The following RIGI variants were observed in gnomAD, a reference collection of about 807,000 sequenced individuals.
RIGI encodes the protein antiviral innate immune response receptor RIG-I.
chr9:32,493,732 C>A, the RIGI span: 2 of 1,400,674 alleles, frequency 1.4e-6, no homozygotes, highest in South Asian at 1.3e-5. Context: ...AATTATTTCC[C>A]CCAATTTTAG....
At chr9:32,505,240 T>A in the RIGI span, among the ~76,000 whole-genome samples, 1 of 151,684 alleles carries the variant, frequency 6.6e-6, no homozygotes, top group Admixed American at 6.6e-5. Context: ...TGGACAGAGA[T>A]GCACATTATA....
the RIGI span, chr9:32,488,807 C>T: frequency 6.2e-7 from 1 of 1,613,140 alleles, no homozygotes; most frequent in Admixed American, 1.7e-5. Flanking sequence ...GCAAAAAAGA[C>T]AACTTTCCCC....
the RIGI span, chr9:32,477,102 T>C: frequency 2.1e-5 from 34 of 1,614,004 alleles, no homozygotes; most frequent in Non-Finnish European, 2.7e-5. Context: ...CTGGGATCCC[T>C]GGAAACACTT....
At chr9:32,468,712 G>A in the RIGI span, among the ~76,000 whole-genome samples, 2 of 151,694 alleles carry the variant, frequency 1.3e-5, no homozygotes, top group Non-Finnish European at 2.9e-5. Context: ...CCAGAAGTGA[G>A]GTAAACTGAC....
the RIGI span, chr9:32,492,552 C>T: frequency 6.2e-7 from 1 of 1,613,854 alleles, no homozygotes; most frequent in African/African-American, 1.3e-5. Context: ...AGCAAGGTAA[C>T]TGTAGTTTAT....
chr9:32,508,239 A>ATTTTTTTTTTTTTTTTTTTTTTTTTTT, the RIGI span, among the ~76,000 whole-genome samples: 193 of 70,320 alleles, frequency 2.7e-3, 52 homozygotes, highest in Middle Eastern at 0.014. Context: ...TATTTACTTA[A>ATTTTTTTTTTTTTTTTTTTTTTTTTTT]TTTTTTTTTT....
chr9:32,504,688 C>CATAT, the RIGI span, among the ~76,000 whole-genome samples: 30 of 125,910 alleles, frequency 2.4e-4, 1 homozygote, highest in South Asian at 7.4e-4. Flanking sequence ...GTCTCAAAAA[C>CATAT]ATATATATAT....
the RIGI span, among the ~76,000 whole-genome samples, chr9:32,523,758 G>A: frequency 6.6e-6 from 1 of 152,012 alleles, no homozygotes; most frequent in East Asian, 1.9e-4. Context: ...TCCTCAAACT[G>A]AAGTCAAAGT....
chr9:32,513,976 G>A, the RIGI span, among the ~76,000 whole-genome samples: 145 of 152,328 alleles, frequency 9.5e-4, no homozygotes, highest in African/African-American at 3.1e-3. Flanking sequence ...ATGAAAAAAT[G>A]CTCATCATCA....
At chr9:32,513,234 T>C in the RIGI span, among the ~76,000 whole-genome samples, 1 of 152,058 alleles carries the variant, frequency 6.6e-6, no homozygotes, top group South Asian at 2.1e-4. Flanking sequence ...AAAGTTCATA[T>C]GGAACCAAAA....
chr9:32,491,368 G>T, the RIGI span: 1 of 1,612,886 alleles, frequency 6.2e-7, no homozygotes, highest in Non-Finnish European at 8.5e-7. Flanking sequence ...AAATCTGTAT[G>T]TCAGAAGTTT....
At chr9:32,487,717 G>A in the RIGI span, 3 of 1,512,190 alleles carry the variant, frequency 2.0e-6, no homozygotes, top group African/African-American at 2.8e-5. Context: ...TTCCTGCTGG[G>A]GTAGGGCGTT....
At chr9:32,480,772 G>A in the RIGI span, among the ~76,000 whole-genome samples, 1 of 152,182 alleles carries the variant, frequency 6.6e-6, no homozygotes, top group Non-Finnish European at 1.5e-5. Context: ...TGATGGCCCT[G>A]ACCACATCCA....
chr9:32,466,140 T>G, the RIGI span: 1 of 804,626 alleles, frequency 1.2e-6, no homozygotes, highest in South Asian at 1.8e-5. Context: ...CATTGACATT[T>G]AAAAACAGAA....
At chr9:32,499,515 G>C in the RIGI span, among the ~76,000 whole-genome samples, 2 of 151,852 alleles carry the variant, frequency 1.3e-5, no homozygotes, top group Non-Finnish European at 2.9e-5. Flanking sequence ...GAGTGCAATG[G>C]CGCAATCTCA....
At chr9:32,479,003 T>C in the RIGI span, among the ~76,000 whole-genome samples, 1 of 152,216 alleles carries the variant, frequency 6.6e-6, no homozygotes, top group African/African-American at 2.4e-5. Context: ...CAGCAAAAAA[T>C]TGCTTGCATC....
the RIGI span, among the ~76,000 whole-genome samples, chr9:32,487,265 A>G: frequency 6.6e-6 from 1 of 152,200 alleles, no homozygotes; most frequent in African/African-American, 2.4e-5. Flanking sequence ...TTTGCTCTCT[A>G]CAGGCCACTT....
chr9:32,485,607 C>A, the RIGI span: 1 of 401,150 alleles, frequency 2.5e-6, no homozygotes, highest in Non-Finnish European at 4.7e-6. Context: ...GTGGCGCGAT[C>A]TCGGCTCACT....
the RIGI span, among the ~76,000 whole-genome samples, chr9:32,502,649 G>A: frequency 7.2e-4 from 109 of 152,290 alleles, no homozygotes; most frequent in Admixed American, 3.5e-3. Context: ...TGTGAATCAT[G>A]GTGTTAGCAG....
Sources: gnomAD v4.1 joint callset for allele counts (sites outside exome capture counted in the v4.1 genomes callset) on GRCh38, gnomAD v4.1.1 for gene constraint, MANE v1.5 for transcripts, NCBI Gene and HGNC (gene_info 2026-07-23, HGNC 2026-07-21) for gene names.